CRIPTO: variants seen among roughly 807,000 people sequenced by gnomAD.
CRIPTO encodes cripto, EGF-CFC family member.
chr3:46,582,352 A>G, the CRIPTO span: 1 of 152,258 alleles, frequency 6.6e-6, no homozygotes, highest in East Asian at 1.9e-4. Context: ...AAATGTTCAC[A>G]ATATATTTAG....
the CRIPTO span, chr3:46,579,834 G>A: frequency 6.2e-7 from 1 of 1,614,068 alleles, no homozygotes; most frequent in Non-Finnish European, 8.5e-7. Flanking sequence ...ACGGAACTGT[G>A]AGCACGATGT....
At chr3:46,576,480 CAAAAAAAAAAAAA>C in the CRIPTO span, among the ~76,000 whole-genome samples, 5 of 55,054 alleles carry the variant, frequency 9.1e-5, no homozygotes, top group Non-Finnish European at 8.9e-5. Context: ...GACTCTGTCG[CAAAAAAAAAAAAA>C]AAAAAAAAAA....
the CRIPTO span, chr3:46,581,345 G>A: frequency 8.1e-6 from 8 of 993,144 alleles, no homozygotes; most frequent in East Asian, 1.9e-4. Context: ...ACTGAAAGAT[G>A]ATCATTTGTA....
At chr3:46,579,567 A>G in the CRIPTO span, 48,407 of 1,171,672 alleles carry the variant, frequency 0.041, 2,044 homozygotes, top group East Asian at 0.16. Flanking sequence ...TCCACTTCAC[A>G]CTGGGGAACC....
chr3:46,579,177 C>T, the CRIPTO span: 6 of 1,613,952 alleles, frequency 3.7e-6, no homozygotes, highest in Admixed American at 6.7e-5. Flanking sequence ...TTTGATCACT[C>T]TCAATTTTTA....
chr3:46,576,839 C>G, the CRIPTO span, among the ~76,000 whole-genome samples: 2 of 152,090 alleles, frequency 1.3e-5, no homozygotes, highest in Non-Finnish European at 2.9e-5. Context: ...CATAGACGCG[C>G]CTCTCCATCT....
the CRIPTO span, chr3:46,581,795 GC>G: frequency 3.8e-6 from 1 of 266,054 alleles, no homozygotes; most frequent in Admixed American, 4.8e-5. Flanking sequence ...ACACACGTGA[GC>G]AACTGTGCAA....
the CRIPTO span, chr3:46,578,992 A>G: frequency 2.4e-6 from 3 of 1,276,384 alleles, no homozygotes; most frequent in Admixed American, 3.4e-5. Flanking sequence ...ATTTCTTTTC[A>G]GTGATCTGTG....
chr3:46,581,444 C>CA, the CRIPTO span: 3 of 618,932 alleles, frequency 4.8e-6, no homozygotes, highest in Admixed American at 2.8e-5. Flanking sequence ...TGCCCTCTCC[C>CA]AAAAAACTAC....
the CRIPTO span, chr3:46,574,577 G>A: frequency 6.6e-6 from 1 of 152,274 alleles, no homozygotes; most frequent in Non-Finnish European, 1.5e-5. Context: ...AGGGAACAAT[G>A]ACAGAGGTAA....
chr3:46,580,618 C>T, the CRIPTO span, among the ~76,000 whole-genome samples: 1 of 152,220 alleles, frequency 6.6e-6, no homozygotes, highest in South Asian at 2.1e-4. Flanking sequence ...TTGAGGAATA[C>T]AATGAAAAGA....
At chr3:46,578,202 G>A in the CRIPTO span, among the ~76,000 whole-genome samples, 5 of 152,016 alleles carry the variant, frequency 3.3e-5, no homozygotes, top group African/African-American at 7.3e-5. Context: ...TAACATTTTC[G>A]TGTTAATGTT....
At chr3:46,575,884 ACTGAGTAACAT>A in the CRIPTO span, among the ~76,000 whole-genome samples, 460 of 152,296 alleles carry the variant, frequency 3.0e-3, 2 homozygotes, top group African/African-American at 0.01. Flanking sequence ...AATGTACCAC[ACTGAGTAACAT>A]CTTTAAACCT....
At chr3:46,576,339 GC>G in the CRIPTO span, among the ~76,000 whole-genome samples, 9 of 151,704 alleles carry the variant, frequency 5.9e-5, no homozygotes, top group Non-Finnish European at 7.4e-5. Context: ...GTTGTGGCGG[GC>G]GCCTGTAATC....
At chr3:46,579,011 C>T in the CRIPTO span, 1 of 1,462,042 alleles carries the variant, frequency 6.8e-7, no homozygotes, top group Non-Finnish European at 9.6e-7. Context: ...TGGTCTTGTC[C>T]TTGTGATGAG....
chr3:46,581,160 G>A, the CRIPTO span: 1 of 1,614,152 alleles, frequency 6.2e-7, no homozygotes, highest in East Asian at 2.2e-5. Flanking sequence ...AGCACCTCGT[G>A]GCTTCCAGGA....
chr3:46,580,722 A>G, the CRIPTO span, among the ~76,000 whole-genome samples: 4 of 152,218 alleles, frequency 2.6e-5, no homozygotes, highest in Non-Finnish European at 5.9e-5. Context: ...GAGACCTATT[A>G]TAGTTCTGGG....
At chr3:46,577,971 T>C in the CRIPTO span, 2 of 1,614,234 alleles carry the variant, frequency 1.2e-6, no homozygotes, top group East Asian at 2.2e-5. Context: ...TTAAAAGCTA[T>C]GGACTGCAGG....
chr3:46,577,765 A>G, the CRIPTO span: 1 of 617,594 alleles, frequency 1.6e-6, no homozygotes, highest in South Asian at 1.9e-5. Flanking sequence ...CAAGGTCAAA[A>G]CGTCCAAGGC....
Sources: gnomAD v4.1 joint callset for allele counts (sites outside exome capture counted in the v4.1 genomes callset) on GRCh38, gnomAD v4.1.1 for gene constraint, MANE v1.5 for transcripts, NCBI Gene and HGNC (gene_info 2026-07-23, HGNC 2026-07-21) for gene names.